The following DMD variants were observed in gnomAD, a reference collection of about 807,000 sequenced individuals.
DMD encodes the protein dystrophin.
A neutral mutation model predicts 330.1 loss-of-function variants in DMD; 63 were observed. The observed-to-expected ratio is 0.19, with a 90% CI of 0.16 to 0.24. The LOEUF (loss-of-function observed/expected upper bound fraction) is 0.24, where lower values mean the gene tolerates loss of function less well. Ranked by LOEUF, DMD falls within the 10% of genes least tolerant of loss-of-function variation. The pLI is 1.00. For synonymous variants in DMD, 1,223 were observed against 959.8 expected, an observed-to-expected ratio of 1.27 and a Z score of -5.07; for missense variants, 3,344 against 2,684.1, an observed-to-expected ratio of 1.25 and a Z score of -5.43.
intron 62 of DMD, among the ~76,000 whole-genome samples, chrX:31,285,461 C>T (rs2053128896): frequency 8.9e-6 from 1 of 111,993 alleles, no homozygotes; most frequent in Non-Finnish European, 1.9e-5. Context: ...ATCTAATGCT[C>T]CCAAATCTGA....
At chrX:31,438,422 T>C (rs746021155) in intron 60 of DMD, among the ~76,000 whole-genome samples, 7 of 112,024 alleles carry the variant, frequency 6.2e-5, no homozygotes, top group African/African-American at 1.9e-4. Context: ...CACTGAATCA[T>C]TTGAAACTTG....
At chrX:32,666,620 G>A (rs1241029901) in intron 9 of DMD, among the ~76,000 whole-genome samples, 1 of 110,363 alleles carries the variant, frequency 9.1e-6, no homozygotes, top group Non-Finnish European at 1.9e-5. Context: ...GGAATGGTCA[G>A]GAGTTCGAGA....
chrX:32,901,226 T>A (rs1165021019), intron 2 of DMD, among the ~76,000 whole-genome samples: 1 of 111,809 alleles, frequency 8.9e-6, no homozygotes, highest in African/African-American at 3.2e-5. Context: ...TAAACAGCAT[T>A]TATACTGTGG....
At chrX:32,855,052 G>A (rs934570771) in intron 2 of DMD, among the ~76,000 whole-genome samples, 12 of 111,736 alleles carry the variant, frequency 1.1e-4, no homozygotes, top group Admixed American at 3.8e-4. Context: ...GTGATAGATC[G>A]TATGAACAGA....
chrX:32,325,210 CT>C (rs767586131), intron 41 of DMD, among the ~76,000 whole-genome samples: 148 of 109,232 alleles, frequency 1.4e-3, no homozygotes, highest in African/African-American at 3.0e-3. Context: ...AAATTGTAGA[CT>C]TTTTTTTTGC....
chrX:31,150,343 CT>C (rs1447939686), intron 74 of DMD, among the ~76,000 whole-genome samples: 3 of 111,757 alleles, frequency 2.7e-5, no homozygotes, highest in Non-Finnish European at 5.7e-5. Context: ...ATTCCACTGT[CT>C]TTTGGTTATA....
intron 12 of DMD, among the ~76,000 whole-genome samples, chrX:32,611,422 T>A (rs749920919): frequency 9.0e-6 from 1 of 111,560 alleles, no homozygotes; most frequent in Non-Finnish European, 1.9e-5. Flanking sequence ...TTGTTTCACA[T>A]TTTTTCTTCA....
At chrX:32,803,737 G>A (rs905703312) in intron 7 of DMD, among the ~76,000 whole-genome samples, 1 of 112,127 alleles carries the variant, frequency 8.9e-6, no homozygotes, top group Non-Finnish European at 1.9e-5. Flanking sequence ...TCACCCAGGA[G>A]CAGGTTTGTT....
In DMD at chrX:31,852,325, A is replaced by G. The variant is rs904724312; in HGVS notation, c.7099-15506T>C. 2.7e-5 allele frequency among the ~76,000 whole-genome samples: 3 copies of G among 112,095 alleles called. No homozygotes were observed. In the Admixed American group the frequency reaches 2.9e-4, roughly 11 times the overall value. Reference sequence around the variant, plus strand: ...GATGGAAGGACTTTGTGAAAACCTGAAGCCATTATTTTGGAAAACTTTATA... The same window carrying G: ...GATGGAAGGACTTTGTGAAAACCTGGAGCCATTATTTTGGAAAACTTTATA... On this transcript the variant is annotated intron_variant, in intron 48 of 78. Transcript: ENST00000357033.
chrX:32,116,054 C>T (rs1247251833), intron 44 of DMD, among the ~76,000 whole-genome samples: 5 of 112,024 alleles, frequency 4.5e-5, no homozygotes, highest in South Asian at 3.7e-4. Flanking sequence ...TCTTTTATCA[C>T]GGCCTGCAAG....
rs185671346 is a variant in DMD, at chrX:33,010,297, T to G, written c.93+9842A>C. On this transcript the variant is annotated intron_variant, in intron 2 of 78. Transcript: ENST00000357033. ...ATATGTACATATATGTGTGTAAATA[T>G]GTATATATGTACATATATGTGTATA... 3.8e-3 allele frequency among the ~76,000 whole-genome samples: 384 copies of G among 100,361 alleles called. 1 individual carries two copies. The highest frequency in any genetic ancestry group is 6.7e-3 in the Non-Finnish European group (320 of 47,924). 87.2% of individuals were successfully genotyped at this position (100,361 alleles called of 115,157 possible). A position where few individuals can be genotyped will look rare whatever the true frequency, so the allele number is the denominator to read the frequency against.
At chrX:31,997,006 C>T (rs1489178701) in intron 44 of DMD, among the ~76,000 whole-genome samples, 1 of 111,151 alleles carries the variant, frequency 9.0e-6, no homozygotes, top group East Asian at 2.8e-4. Context: ...AATGTGGGTT[C>T]AGCTCTTTTC....
intron 1 of DMD, among the ~76,000 whole-genome samples, chrX:33,058,186 G>A (rs867328698): frequency 1.8e-5 from 2 of 111,382 alleles, no homozygotes; most frequent in East Asian, 5.7e-4. Context: ...AGTCTATACC[G>A]CATTTTTAAT....
At chrX:33,333,054 CA>C (rs1309177453) in intron 1 of DMD, among the ~76,000 whole-genome samples, 1 of 110,728 alleles carries the variant, frequency 9.0e-6, no homozygotes, top group African/African-American at 3.3e-5. Flanking sequence ...TCTTTGATAG[CA>C]GTAACAAGAA....
rs748135123 is a variant in DMD at position 32,523,958 on chromosome X, A to G, written c.2169-5827T>C. 7.6e-3 allele frequency among the ~76,000 whole-genome samples: 696 copies of G among 91,141 alleles called. 8 individuals carry two copies. The highest frequency in any genetic ancestry group is 0.028 in the African/African-American group (647 of 23,514). 79.1% of individuals were successfully genotyped at this position (91,141 alleles called of 115,157 possible). A position where few individuals can be genotyped will look rare whatever the true frequency, so the allele number is the denominator to read the frequency against. On this transcript the variant is annotated intron_variant, in intron 17 of 78. Coordinates refer to ENST00000357033, the MANE Select transcript of DMD (RefSeq NM_004006.3). ...TTTTTTTTTTTTTTTTTTGAGACGG[A>G]GTCTTGCTCTGTCACCCAGCCTGGA... is the stretch of plus-strand genomic sequence containing the variant.
intron 21 of DMD, among the ~76,000 whole-genome samples, chrX:32,473,353 T>TA (rs2040865100): frequency 9.0e-6 from 1 of 111,232 alleles, no homozygotes; most frequent in African/African-American, 3.3e-5. Flanking sequence ...GAGAACACAG[T>TA]AAAACGGTCT....
Position 32,715,020 on chromosome X carries a change from C to T in DMD, c.650-15727G>A, listed in dbSNP as rs182720255. On this transcript the variant is annotated intron_variant, in intron 7 of 78. Coordinates refer to ENST00000357033, the MANE Select transcript of DMD (RefSeq NM_004006.3). ...ATACAACACACTATTAACTATAATCCTCATGTTTTATATTAGATCTTTCAA... is the reference window on the plus strand; with the variant it reads ...ATACAACACACTATTAACTATAATCTTCATGTTTTATATTAGATCTTTCAA... 1.4e-4 allele frequency among the ~76,000 whole-genome samples: 15 copies of T among 111,055 alleles called. No individual in the cohort carries two copies. The East Asian group carries it at 4.3e-3, about 32-fold the overall frequency.
At chrX:32,581,796 A>G (rs28481286) in intron 13 of DMD, among the ~76,000 whole-genome samples, 4,642 of 111,975 alleles carry the variant, frequency 0.041, 246 homozygotes, top group African/African-American at 0.14. Context: ...TCATGGACGT[A>G]AAGGAAAAAC....
At chrX:31,176,741 G>C (rs1252895946) in intron 71 of DMD, among the ~76,000 whole-genome samples, 1 of 111,109 alleles carries the variant, frequency 9.0e-6, no homozygotes, top group Non-Finnish European at 1.9e-5. Context: ...AACTCCCTAA[G>C]TTCTTTAAGC....
Sources: allele counts gnomAD v4.1 joint callset (sites outside exome capture counted in the v4.1 genomes callset), GRCh38; gene constraint gnomAD v4.1.1; transcripts MANE v1.5; gene names NCBI Gene and HGNC (gene_info 2026-07-23, HGNC 2026-07-21).